The following LOC128462377 variants were observed in gnomAD, a reference collection of about 807,000 sequenced individuals.
the LOC128462377 span, among the ~76,000 whole-genome samples, chr16:89,363,538 A>G: frequency 6.6e-6 from 1 of 152,228 alleles, no homozygotes; most frequent in Admixed American, 6.5e-5. Context: ...GGGGAAAAAA[A>G]ACCTTACATA....
the LOC128462377 span, among the ~76,000 whole-genome samples, chr16:89,404,170 T>C: frequency 6.6e-6 from 1 of 152,104 alleles, no homozygotes; most frequent in Non-Finnish European, 1.5e-5. Flanking sequence ...AGCCCACAGG[T>C]GGCTCGACCC....
the LOC128462377 span, among the ~76,000 whole-genome samples, chr16:89,317,347 G>A: frequency 1.3e-5 from 2 of 152,346 alleles, no homozygotes; most frequent in Middle Eastern, 3.4e-3. Context: ...CATGGCCTAG[G>A]GTGTGGCTGT....
chr16:89,350,143 A>G, the LOC128462377 span, among the ~76,000 whole-genome samples: 1 of 152,238 alleles, frequency 6.6e-6, no homozygotes, highest in East Asian at 1.9e-4. Context: ...TAAAACCGCA[A>G]TTCACTAGAA....
the LOC128462377 span, chr16:89,340,077 A>G: frequency 6.6e-6 from 1 of 152,268 alleles, no homozygotes; most frequent in East Asian, 1.9e-4. Context: ...GTTTTTTCCA[A>G]CTTTTTGCGA....
At chr16:89,339,247 G>A in the LOC128462377 span, among the ~76,000 whole-genome samples, 1 of 152,198 alleles carries the variant, frequency 6.6e-6, no homozygotes, top group East Asian at 1.9e-4. Context: ...TTGCTGTTTA[G>A]GTCAAAATCA....
the LOC128462377 span, among the ~76,000 whole-genome samples, chr16:89,342,105 C>T: frequency 4.6e-3 from 654 of 140,894 alleles, 6 homozygotes; most frequent in African/African-American, 0.017. Flanking sequence ...CACCCTCCAC[C>T]TCACACCACC....
the LOC128462377 span, among the ~76,000 whole-genome samples, chr16:89,348,580 G>T: frequency 6.6e-6 from 1 of 152,178 alleles, no homozygotes; most frequent in Non-Finnish European, 1.5e-5. Context: ...GGGACTGAAG[G>T]TTTCTTTGTG....
At chr16:89,324,202 G>A in the LOC128462377 span, 37 of 1,183,336 alleles carry the variant, frequency 3.1e-5, no homozygotes, top group East Asian at 2.5e-4. Flanking sequence ...CCGAGAGCGC[G>A]TTCAGCATTA....
chr16:89,356,759 C>T, the LOC128462377 span, among the ~76,000 whole-genome samples: 3 of 132,318 alleles, frequency 2.3e-5, no homozygotes, highest in South Asian at 7.0e-4. Context: ...CTAGCCTGGG[C>T]GACACAGCAA....
At chr16:89,324,662 T>C in the LOC128462377 span, 2 of 374,354 alleles carry the variant, frequency 5.3e-6, no homozygotes, top group East Asian at 1.5e-4. Flanking sequence ...CTTTCTTCCA[T>C]GCTGGATACT....
the LOC128462377 span, among the ~76,000 whole-genome samples, chr16:89,368,900 A>G: frequency 6.6e-6 from 1 of 152,166 alleles, no homozygotes; most frequent in Non-Finnish European, 1.5e-5. Flanking sequence ...CTCTGTTTCC[A>G]AAAATTTAAA....
chr16:89,328,156 T>A, the LOC128462377 span, among the ~76,000 whole-genome samples: 1 of 147,244 alleles, frequency 6.8e-6, no homozygotes, highest in African/African-American at 2.5e-5. Flanking sequence ...CAATGAGATA[T>A]TACTGCACAC....
At chr16:89,333,108 G>C in the LOC128462377 span, among the ~76,000 whole-genome samples, 10 of 152,356 alleles carry the variant, frequency 6.6e-5, no homozygotes, top group African/African-American at 2.2e-4. Context: ...TGAGGTCACA[G>C]ACTCAGTGGC....
At chr16:89,391,852 A>G in the LOC128462377 span, among the ~76,000 whole-genome samples, 11 of 152,396 alleles carry the variant, frequency 7.2e-5, no homozygotes, top group Admixed American at 6.5e-4. Flanking sequence ...AATATCTGCT[A>G]GCCTTAATAA....
At chr16:89,401,778 T>C in the LOC128462377 span, among the ~76,000 whole-genome samples, 2 of 152,144 alleles carry the variant, frequency 1.3e-5, no homozygotes, top group Admixed American at 1.3e-4. Flanking sequence ...GACACTGAGC[T>C]GTGCACGCAG....
chr16:89,354,610 G>A, the LOC128462377 span, among the ~76,000 whole-genome samples: 2 of 152,170 alleles, frequency 1.3e-5, no homozygotes, highest in South Asian at 2.1e-4. Flanking sequence ...GGCAGGGCAC[G>A]GTGGCTCACT....
At chr16:89,370,175 T>C in the LOC128462377 span, among the ~76,000 whole-genome samples, 1 of 152,200 alleles carries the variant, frequency 6.6e-6, no homozygotes, top group East Asian at 1.9e-4. Context: ...CCCACGCCCC[T>C]CCCTGCCCTG....
the LOC128462377 span, among the ~76,000 whole-genome samples, chr16:89,414,723 T>A: frequency 6.6e-6 from 1 of 152,090 alleles, no homozygotes; most frequent in East Asian, 1.9e-4. Context: ...CCTATGTCAC[T>A]GCGGCCACAC....
At chr16:89,343,232 A>G in the LOC128462377 span, among the ~76,000 whole-genome samples, 1 of 152,046 alleles carries the variant, frequency 6.6e-6, no homozygotes, top group African/African-American at 2.4e-5. Flanking sequence ...CTCAAGAGTG[A>G]TCCACCCAGC....
Sources: gnomAD v4.1 joint callset for allele counts (sites outside exome capture counted in the v4.1 genomes callset) on GRCh38, gnomAD v4.1.1 for gene constraint, MANE v1.5 for transcripts.